Variants in COG5 observed in about 807,000 individuals in gnomAD.
COG5 encodes the protein conserved oligomeric Golgi complex subunit 5.
A neutral mutation model predicts 110.4 loss-of-function variants in COG5; 86 were observed. The observed-to-expected ratio is 0.78, with a 90% CI of 0.65 to 0.93. The LOEUF (loss-of-function observed/expected upper bound fraction) is 0.93, where lower values mean the gene tolerates loss of function less well. Among genes scored for constraint, COG5 ranks in the 40% least tolerant of loss-of-function variants. The pLI is 0.00. For synonymous variants in COG5, 360 were observed against 334.6 expected, an observed-to-expected ratio of 1.08 and a Z score of -0.83; for missense variants, 1,077 against 987.0, an observed-to-expected ratio of 1.09 and a Z score of -1.22.
intron 7 of COG5, 106 bp downstream of exon 7, chr7:107,412,396 T>A: frequency 9.8e-7 from 1 of 1,021,056 alleles, no homozygotes; most frequent in South Asian, 1.4e-5. Context: ...ACTTTCTCAG[T>A]GATATATTAC....
At chr7:107,419,916 C>G (rs1038856062) in intron 6 of COG5, among the ~76,000 whole-genome samples, 2 of 152,184 alleles carry the variant, frequency 1.3e-5, no homozygotes, top group Admixed American at 6.5e-5. Flanking sequence ...TATTAAATAA[C>G]ACGTTCATGT....
intron 7 of COG5, among the ~76,000 whole-genome samples, chr7:107,382,739 T>G (rs1355879839): frequency 6.6e-6 from 1 of 152,148 alleles, no homozygotes; most frequent in African/African-American, 2.4e-5. Context: ...GCACCCAGCC[T>G]AAAGTCTATT....
chr7:107,400,744 CAATAA>C (rs1406165789), intron 7 of COG5, among the ~76,000 whole-genome samples: 1 of 151,886 alleles, frequency 6.6e-6, no homozygotes, highest in African/African-American at 2.4e-5. Context: ...TGCAAGATGG[CAATAA>C]AATAAAATAA....
At chr7:107,473,847 C>T (rs1288094707) in intron 6 of COG5, among the ~76,000 whole-genome samples, 2 of 151,898 alleles carry the variant, frequency 1.3e-5, no homozygotes, top group Admixed American at 1.3e-4. Context: ...AAAAGGAAAA[C>T]ACAATTTTCT....
chr7:107,451,418 A>T (rs1399710948), intron 6 of COG5, among the ~76,000 whole-genome samples: 1 of 152,166 alleles, frequency 6.6e-6, no homozygotes, highest in African/African-American at 2.4e-5. Context: ...TATAACATGG[A>T]CCCTTCCATG....
intron 6 of COG5, among the ~76,000 whole-genome samples, chr7:107,443,946 T>G (rs1183791513): frequency 6.6e-6 from 1 of 152,204 alleles, no homozygotes; most frequent in African/African-American, 2.4e-5. Context: ...TTTGTAGGAA[T>G]CTACAGATTC....
intron 21 of COG5, among the ~76,000 whole-genome samples, chr7:107,207,151 C>T (rs1798841289): frequency 6.6e-6 from 1 of 152,208 alleles, no homozygotes; most frequent in East Asian, 1.9e-4. Context: ...GCATAAATGA[C>T]TTAAAGATAC....
chr7:107,429,878 A>C (rs1221528531), intron 6 of COG5, among the ~76,000 whole-genome samples: 2 of 152,210 alleles, frequency 1.3e-5, no homozygotes, highest in Admixed American at 1.3e-4. Context: ...CTGTCAGTCC[A>C]TTAAACCTCT....
intron 7 of COG5, among the ~76,000 whole-genome samples, chr7:107,412,229 T>G (rs2129066924): frequency 6.6e-6 from 1 of 152,272 alleles, no homozygotes; most frequent in African/African-American, 2.4e-5. Flanking sequence ...CATGGTCAGC[T>G]AGTTATCTAT....
chr7:107,397,169 T>A (rs1047674225), intron 7 of COG5, among the ~76,000 whole-genome samples: 8 of 152,198 alleles, frequency 5.3e-5, no homozygotes, highest in Admixed American at 4.6e-4. Flanking sequence ...ATCTGGCCAG[T>A]GAGACATAAG....
chr7:107,455,351 G>A (rs2129096529), intron 6 of COG5, among the ~76,000 whole-genome samples: 2 of 152,188 alleles, frequency 1.3e-5, no homozygotes, highest in South Asian at 4.2e-4. Flanking sequence ...ATAATTGAAG[G>A]TCTAGATACA....
intron 6 of COG5, among the ~76,000 whole-genome samples, chr7:107,498,705 A>G (rs1051898753): frequency 6.6e-6 from 1 of 152,134 alleles, no homozygotes; most frequent in Non-Finnish European, 1.5e-5. Context: ...GGAATGCAAA[A>G]TTGTACAACC....
At chr7:107,264,147 T>C (rs1027120102) in intron 14 of COG5, among the ~76,000 whole-genome samples, 2 of 152,168 alleles carry the variant, frequency 1.3e-5, no homozygotes, top group African/African-American at 4.8e-5. Context: ...CTCCCATGCA[T>C]ATAGAAGACA....
At chr7:107,498,483 A>G (rs1351271564) in intron 6 of COG5, among the ~76,000 whole-genome samples, 4 of 152,214 alleles carry the variant, frequency 2.6e-5, no homozygotes, top group African/African-American at 4.8e-5. Context: ...ACATTTCTCC[A>G]AAGAATACAT....
chr7:107,254,203 T>A (rs1009201892), intron 16 of COG5, among the ~76,000 whole-genome samples: 1 of 152,180 alleles, frequency 6.6e-6, no homozygotes, highest in Non-Finnish European at 1.5e-5. Flanking sequence ...TATGTCTATA[T>A]CTATATTTTT....
chr7:107,328,443 A>G (rs59834920), intron 10 of COG5, among the ~76,000 whole-genome samples: 2,050 of 152,336 alleles, frequency 0.013, 53 homozygotes, highest in African/African-American at 0.047. Flanking sequence ...TCAGTCTTAA[A>G]AAAGAAAGAA....
chr7:107,466,797 A>G (rs1383197876), intron 6 of COG5, among the ~76,000 whole-genome samples: 1 of 152,234 alleles, frequency 6.6e-6, no homozygotes, highest in East Asian at 1.9e-4. Context: ...ATCCACTGAA[A>G]AAGGACCCTT....
intron 19 of COG5, among the ~76,000 whole-genome samples, chr7:107,227,983 C>T (rs1374731488): frequency 1.3e-5 from 2 of 152,036 alleles, no homozygotes; most frequent in Non-Finnish European, 2.9e-5. Flanking sequence ...AAACATGGGA[C>T]TGGGGCTATA....
At chr7:107,227,637 T>TG (rs1243666359) in intron 19 of COG5, among the ~76,000 whole-genome samples, 3 of 151,966 alleles carry the variant, frequency 2.0e-5, no homozygotes, top group Non-Finnish European at 4.4e-5. Flanking sequence ...TGACACAACT[T>TG]TAAGAGTGCT....
Sources: gnomAD v4.1 joint callset for allele counts (sites outside exome capture counted in the v4.1 genomes callset) on GRCh38, gnomAD v4.1.1 for gene constraint, MANE v1.5 for transcripts, NCBI Gene and HGNC (gene_info 2026-07-23, HGNC 2026-07-21) for gene names.